Variants in IPMK observed in about 807,000 individuals in gnomAD.
IPMK encodes the protein inositol 1,3,4,6-tetrakisphosphate 5-kinase.
A neutral mutation model predicts 45.8 loss-of-function variants in IPMK; 17 were observed. The observed-to-expected ratio is 0.37, with a 90% CI of 0.25 to 0.56. The LOEUF is 0.56. Ranked by LOEUF, IPMK falls within the 20% of genes least tolerant of loss-of-function variation. The probability of loss-of-function intolerance (pLI) is 0.79; values close to 1 mark genes in which losing one functional copy is unlikely to be tolerated. For synonymous variants in IPMK, 180 were observed against 184.3 expected (o/e 0.98, Z 0.19); for missense variants, 399 against 498.0 (o/e 0.80, Z 1.89).
At chr10:58,260,379 A>G (rs1302809198) in intron 1 of IPMK, among the ~76,000 whole-genome samples, 2 of 152,240 alleles carry the variant, frequency 1.3e-5, no homozygotes, top group Non-Finnish European at 2.9e-5. Context: ...TTATTGGAAT[A>G]ATGGCAAAAG....
At chr10:58,212,997 C>G (rs918555501) in intron 4 of IPMK, 1 of 166,530 alleles carries the variant, frequency 6.0e-6, no homozygotes, top group African/African-American at 2.4e-5. Context: ...GGAATAACAC[C>G]TATCTCATCA....
rs1394668577 is a variant in IPMK, at chr10:58,194,363, C to T, written c.*1713G>A. 1.3e-5 allele frequency: 2 copies of T among 151,760 alleles called. No homozygotes were observed. The highest frequency in any genetic ancestry group is 3.0e-5 in the Non-Finnish European group (2 of 67,748). The allele number at this position is 151,760 out of a possible 1,614,324, so 9.4% of individuals were successfully genotyped here. A position where few individuals can be genotyped will look rare whatever the true frequency, so the allele number is the denominator to read the frequency against. ...AATTCATTCCCGTTAAAACATAAAACTATAGCCAATATCCATTCAAAAAGT... is the reference window on the plus strand; with the variant it reads ...AATTCATTCCCGTTAAAACATAAAATTATAGCCAATATCCATTCAAAAAGT... On this transcript the variant is annotated 3_prime_UTR_variant, in exon 6 of 6. Coordinates refer to ENST00000373935, the MANE Select transcript of IPMK (RefSeq NM_152230.5).
At chr10:58,248,187 T>C (rs1838829817) in intron 1 of IPMK, among the ~76,000 whole-genome samples, 1 of 151,958 alleles carries the variant, frequency 6.6e-6, no homozygotes, top group Non-Finnish European at 1.5e-5. Context: ...ATAAAGTATA[T>C]TATTATACTT....
intron 2 of IPMK, among the ~76,000 whole-genome samples, chr10:58,236,142 G>T (rs752306142): frequency 6.6e-6 from 1 of 151,838 alleles, no homozygotes; most frequent in African/African-American, 2.4e-5. Flanking sequence ...TGTTGACCAG[G>T]CTGATCTTGA....
intron 4 of IPMK, among the ~76,000 whole-genome samples, chr10:58,211,190 GTT>G (rs1450283682): frequency 2.6e-5 from 3 of 115,742 alleles, no homozygotes; most frequent in Admixed American, 8.0e-5. Context: ...TGATTACCCG[GTT>G]TTTTTTTTTT....
chr10:58,251,503 G>A (rs1838879521), intron 1 of IPMK, among the ~76,000 whole-genome samples: 1 of 151,922 alleles, frequency 6.6e-6, no homozygotes, highest in East Asian at 1.9e-4. Context: ...GGTCCATTTG[G>A]CTTACAGTCC....
At chr10:58,245,508 A>G (rs937189025) in intron 1 of IPMK, among the ~76,000 whole-genome samples, 1 of 150,316 alleles carries the variant, frequency 6.7e-6, no homozygotes, top group Non-Finnish European at 1.5e-5. Context: ...ACTACTCGGG[A>G]GGCTGGGGTA....
intron 3 of IPMK, among the ~76,000 whole-genome samples, chr10:58,216,556 A>T (rs1838247713): frequency 6.6e-6 from 1 of 151,944 alleles, no homozygotes; most frequent in South Asian, 2.1e-4. Context: ...AACCACAAGC[A>T]AAAGACAGCA....
intron 4 of IPMK, among the ~76,000 whole-genome samples, chr10:58,211,637 G>A (rs1464052529): frequency 1.3e-5 from 2 of 151,678 alleles, no homozygotes; most frequent in African/African-American, 4.8e-5. Context: ...AGGATCACTT[G>A]AGCCCAGGAG....
intron 4 of IPMK, chr10:58,212,684 C>A: frequency 4.0e-6 from 1 of 250,326 alleles, no homozygotes; most frequent in Non-Finnish European, 8.7e-6. Context: ...GGATGTGCAG[C>A]CTCTGTCGCA....
chr10:58,259,291 T>C (rs1839020960), intron 1 of IPMK, among the ~76,000 whole-genome samples: 1 of 152,100 alleles, frequency 6.6e-6, no homozygotes, highest in South Asian at 2.1e-4. Flanking sequence ...GTGGAATATC[T>C]TTTTATGCCA....
intron 1 of IPMK, among the ~76,000 whole-genome samples, chr10:58,241,466 A>T (rs1838696296): frequency 6.6e-6 from 1 of 152,236 alleles, no homozygotes; most frequent in Non-Finnish European, 1.5e-5. Context: ...CTGGCAAATC[A>T]GACCCACCCT....
chr10:58,267,662 C>A lies in IPMK; in HGVS notation c.-51G>T, dbSNP rs768298640. On this transcript the variant is annotated 5_prime_UTR_variant, in exon 1 of 6. Transcript: ENST00000373935. Reference sequence around the variant, plus strand: ...AGCGAGAGTAGGAAAAAAAATAGGGCGAGGGAGGGGGCGCCGGAGAACCCG... The same window carrying A: ...AGCGAGAGTAGGAAAAAAAATAGGGAGAGGGAGGGGGCGCCGGAGAACCCG... The A allele has an allele frequency of 8.3e-7, 1 of 1,207,980 alleles. No homozygotes were observed. The highest frequency in any genetic ancestry group is 2.0e-5 in the Admixed American group (1 of 49,870). 74.8% of individuals were successfully genotyped at this position (1,207,980 alleles called of 1,614,324 possible).
intron 2 of IPMK, among the ~76,000 whole-genome samples, chr10:58,231,318 A>C (rs1345031237): frequency 6.6e-6 from 1 of 152,166 alleles, no homozygotes; most frequent in Non-Finnish European, 1.5e-5. Context: ...AATTCAGGAA[A>C]TACGGAGAAT....
intron 1 of IPMK, 86 bp from the exon 2 acceptor site, chr10:58,237,900 G>T: frequency 1.1e-6 from 1 of 918,872 alleles, no homozygotes. Flanking sequence ...GAAGTGACAG[G>T]TAAACTACTT....
chr10:58,229,356 A>G (rs1272859138), intron 2 of IPMK, among the ~76,000 whole-genome samples: 1 of 152,080 alleles, frequency 6.6e-6, no homozygotes, highest in Non-Finnish European at 1.5e-5. Context: ...AGAGGTCAGG[A>G]GTTCCAGACC....
intron 3 of IPMK, 135 bp from the exon 4 acceptor site, chr10:58,216,452 T>C: frequency 2.3e-6 from 1 of 436,816 alleles, no homozygotes; most frequent in Non-Finnish European, 3.9e-6. Context: ...ATAATTATTC[T>C]TAACTCTACC....
chr10:58,221,677 GCCT>G (rs1386363672), intron 3 of IPMK, among the ~76,000 whole-genome samples: 13 of 152,118 alleles, frequency 8.5e-5, no homozygotes, highest in African/African-American at 2.9e-4. Flanking sequence ...TCTCGCTGCA[GCCT>G]CCTGAGTAGC....
chr10:58,248,224 A>G (rs1488585775), intron 1 of IPMK, among the ~76,000 whole-genome samples: 1 of 151,992 alleles, frequency 6.6e-6, no homozygotes, highest in Non-Finnish European at 1.5e-5. Context: ...ATAATAATGA[A>G]TTTAAAAAAA....
Sources: gnomAD v4.1 joint callset for allele counts (sites outside exome capture counted in the v4.1 genomes callset) on GRCh38, gnomAD v4.1.1 for gene constraint, MANE v1.5 for transcripts, NCBI Gene and HGNC (gene_info 2026-07-23, HGNC 2026-07-21) for gene names.